Variants in FGF13 observed in about 807,000 individuals in gnomAD.
FGF13 encodes fibroblast growth factor homologous factor 2.
Under a neutral mutation model 19.5 loss-of-function variants are expected in FGF13, and 2 were observed. That is an observed-to-expected ratio of 0.10 (90% confidence interval 0.04 to 0.32). The LOEUF is 0.32. FGF13 is among the 10% of genes least tolerant of loss of function. The pLI, the probability that FGF13 is intolerant of heterozygous loss-of-function variation, is 1.00. For missense variants in FGF13, 113 were observed against 192.7 expected (o/e 0.59, Z 2.45); for synonymous variants, 72 against 76.9 (o/e 0.94, Z 0.33).
intron 1 of FGF13, among the ~76,000 whole-genome samples, chrX:138,955,592 G>T (rs1048823083): frequency 8.9e-6 from 1 of 112,026 alleles, no homozygotes; most frequent in Non-Finnish European, 1.9e-5. Context: ...TGTCCGACAG[G>T]ATACAAAGTG....
At chrX:139,202,916 G>A (rs2084427092) in intron 1 of FGF13, among the ~76,000 whole-genome samples, 3 of 109,047 alleles carry the variant, frequency 2.8e-5, no homozygotes, top group Non-Finnish European at 5.7e-5. Flanking sequence ...CTCAGGGCTA[G>A]TCCAGCCCAC....
chrX:139,203,263 C>A (rs954611134), intron 1 of FGF13, among the ~76,000 whole-genome samples: 10 of 111,050 alleles, frequency 9.0e-5, no homozygotes. Context: ...TGAACCCCAG[C>A]AAACAGAGGA....
intron 1 of FGF13, among the ~76,000 whole-genome samples, chrX:138,937,489 G>A (rs1316346184): frequency 5.4e-5 from 6 of 111,927 alleles, no homozygotes; most frequent in Non-Finnish European, 1.1e-4. Context: ...TGTCCTCATG[G>A]TATTTCTAGT....
At chrX:139,075,763 C>A (rs930353573) in intron 1 of FGF13, among the ~76,000 whole-genome samples, 1 of 111,683 alleles carries the variant, frequency 9.0e-6, no homozygotes, top group Non-Finnish European at 1.9e-5. Context: ...TGTATATTAT[C>A]TGTACATTAA....
chrX:139,163,618 T>C (rs1368316666), intron 1 of FGF13, among the ~76,000 whole-genome samples: 3 of 111,244 alleles, frequency 2.7e-5, no homozygotes, highest in Non-Finnish European at 5.7e-5. Context: ...CCTGGTCACA[T>C]TGTTGGAGGT....
At chrX:138,831,614 A>G (rs1487120074) in intron 3 of FGF13, among the ~76,000 whole-genome samples, 1 of 110,822 alleles carries the variant, frequency 9.0e-6, no homozygotes, top group African/African-American at 3.3e-5. Flanking sequence ...ATAGGAATAT[A>G]TATTCTATTC....
intron 3 of FGF13, among the ~76,000 whole-genome samples, chrX:138,647,055 T>C (rs2089314760): frequency 9.0e-6 from 1 of 110,673 alleles, no homozygotes. Context: ...CTCTTTACTG[T>C]CCAAACTCCC....
At chrX:139,121,563 A>AT (rs749427455) in intron 1 of FGF13, among the ~76,000 whole-genome samples, 5 of 109,636 alleles carry the variant, frequency 4.6e-5, no homozygotes, top group African/African-American at 1.3e-4. Context: ...ATGCCTGGCT[A>AT]TTTTTTTTCT....
chrX:138,882,059 T>G (rs970925499), intron 1 of FGF13, among the ~76,000 whole-genome samples: 5 of 110,933 alleles, frequency 4.5e-5, no homozygotes, highest in Non-Finnish European at 9.4e-5. Flanking sequence ...TCACTCTGAG[T>G]AGTCCCTTTG....
chrX:138,828,705 T>C (rs1425909625), intron 3 of FGF13, among the ~76,000 whole-genome samples: 4 of 111,160 alleles, frequency 3.6e-5, no homozygotes, highest in Non-Finnish European at 7.5e-5. Context: ...ACAGTCAATA[T>C]TTCCAATTAT....
chrX:139,156,211 T>A (rs2083975740), intron 1 of FGF13, among the ~76,000 whole-genome samples: 1 of 112,351 alleles, frequency 8.9e-6, no homozygotes, highest in Non-Finnish European at 1.9e-5. Context: ...TTCTTTAGAT[T>A]CATTATAAAC....
intron 3 of FGF13, among the ~76,000 whole-genome samples, chrX:138,849,043 T>C (rs2091204343): frequency 9.0e-6 from 1 of 111,483 alleles, no homozygotes; most frequent in African/African-American, 3.3e-5. Flanking sequence ...TAGGTGGGAA[T>C]CGAGAGGAAG....
At chrX:138,901,761 GA>G (rs961283407) in intron 1 of FGF13, among the ~76,000 whole-genome samples, 3 of 110,844 alleles carry the variant, frequency 2.7e-5, no homozygotes, top group Non-Finnish European at 5.7e-5. Flanking sequence ...TTCAATCTCA[GA>G]AAAAAATAAA....
intron 3 of FGF13, among the ~76,000 whole-genome samples, chrX:138,772,016 GTGTATA>G (rs1190688374): frequency 1.1e-4 from 4 of 34,977 alleles, no homozygotes; most frequent in Non-Finnish European, 2.1e-4. Flanking sequence ...AGATACATAT[GTGTATA>G]TATATATATA....
chrX:138,658,440 C>T, intron 3 of FGF13, among the ~76,000 whole-genome samples: 1 of 112,181 alleles, frequency 8.9e-6, no homozygotes, highest in Non-Finnish European at 1.9e-5. Flanking sequence ...TCTAATTGGA[C>T]TTTTTAAAGT....
intron 1 of FGF13, among the ~76,000 whole-genome samples, chrX:138,731,336 A>G (rs761409760): frequency 1.3e-4 from 14 of 110,326 alleles, no homozygotes; most frequent in Non-Finnish European, 2.7e-4. Context: ...ATAAGAAATC[A>G]GAGTATGTTA....
At chrX:139,021,008 C>T (rs781672764) in intron 1 of FGF13, among the ~76,000 whole-genome samples, 5 of 110,804 alleles carry the variant, frequency 4.5e-5, no homozygotes, top group South Asian at 3.8e-4. Flanking sequence ...TGATTATGAC[C>T]GGGTGATGAA....
chrX:138,703,371 G>A (rs1283829471), intron 2 of FGF13, among the ~76,000 whole-genome samples: 1 of 112,092 alleles, frequency 8.9e-6, no homozygotes, highest in African/African-American at 3.2e-5. Context: ...TAACAGCCTG[G>A]AGAAAATGGA....
chrX:139,119,041 A>T (rs1276319531), intron 1 of FGF13, among the ~76,000 whole-genome samples: 1 of 110,434 alleles, frequency 9.1e-6, no homozygotes, highest in Non-Finnish European at 1.9e-5. Flanking sequence ...TACAAAAAAT[A>T]AAAATAAAAA....
Sources: allele counts gnomAD v4.1 joint callset (sites outside exome capture counted in the v4.1 genomes callset), GRCh38; gene constraint gnomAD v4.1.1; transcripts MANE v1.5; gene names NCBI Gene and HGNC (gene_info 2026-07-23, HGNC 2026-07-21).